The following AGMO variants were observed in gnomAD, a reference collection of about 807,000 sequenced individuals.
AGMO encodes the protein glyceryl-ether monooxygenase.
In AGMO, 75 loss-of-function variants were observed where a neutral mutation model predicts 60.2. The observed-to-expected ratio is 1.25, with a 90% CI of 1.03 to 1.51. AGMO has a LOEUF of 1.51. Ranked by LOEUF, AGMO falls within the 40% of genes most tolerant of loss-of-function variation. AGMO has a pLI of 0.00. For missense variants in AGMO, 763 were observed against 525.5 expected (o/e 1.45, Z -4.42); for synonymous variants, 261 against 177.1 (o/e 1.47, Z -3.76).
intron 4 of AGMO, among the ~76,000 whole-genome samples, chr7:15,424,895 T>A (rs1035027458): frequency 2.6e-5 from 4 of 152,244 alleles, no homozygotes; most frequent in Admixed American, 6.5e-5. Context: ...TATCTTTATT[T>A]GTTCACATTT....
At chr7:15,148,221 G>T in the AGMO span, among the ~76,000 whole-genome samples, 1 of 151,904 alleles carries the variant, frequency 6.6e-6, no homozygotes, top group South Asian at 2.1e-4. Flanking sequence ...TGTTAGGGTA[G>T]ATTTGTTAGT....
chr7:15,487,745 A>G lies in AGMO; in HGVS notation c.410-56637T>C, dbSNP rs575013777. Among the ~76,000 whole-genome samples, 24 of 147,664 alleles carry G rather than the reference A, an allele frequency of 1.6e-4. 1 individual carries two copies. The highest frequency in any genetic ancestry group is 8.7e-4 in the Admixed American group (13 of 14,970). On this transcript the variant is annotated intron_variant, in intron 3 of 12. Transcript: ENST00000342526. ...CCAAACTGTGTCTGATATTTTGGGG[A>G]AAAAAAAACACATAAAATGGGCATG... is the stretch of plus-strand genomic sequence containing the variant.
chr7:15,510,653 G>T (rs1783647063), intron 3 of AGMO, among the ~76,000 whole-genome samples: 1 of 149,904 alleles, frequency 6.7e-6, no homozygotes, highest in Admixed American at 6.7e-5. Flanking sequence ...AGATGAACCT[G>T]GAGGATATTA....
chr7:15,331,116 T>C (rs1371063708), intron 12 of AGMO, among the ~76,000 whole-genome samples: 1 of 152,180 alleles, frequency 6.6e-6, no homozygotes, highest in African/African-American at 2.4e-5. Context: ...AGGAGGCCAC[T>C]CCATTAATAG....
intron 12 of AGMO, among the ~76,000 whole-genome samples, chr7:15,354,523 T>G (rs1422151402): frequency 1.8e-5 from 2 of 109,302 alleles, no homozygotes; most frequent in African/African-American, 6.3e-5. Context: ...TATATATATA[T>G]ATATATATAT....
chr7:15,138,066 C>A, the AGMO span, among the ~76,000 whole-genome samples: 12 of 152,276 alleles, frequency 7.9e-5, no homozygotes, highest in Non-Finnish European at 1.8e-4. Flanking sequence ...AACTTCAAAT[C>A]TACCTCAGCT....
intron 8 of AGMO, among the ~76,000 whole-genome samples, chr7:15,388,372 T>C (rs184752228): frequency 4.5e-4 from 68 of 152,216 alleles, no homozygotes; most frequent in African/African-American, 1.6e-3. Flanking sequence ...GTTAATGGAA[T>C]AGATCTGAGG....
chr7:15,226,888 G>C (rs988392178), intron 12 of AGMO, among the ~76,000 whole-genome samples: 1 of 151,808 alleles, frequency 6.6e-6, no homozygotes, highest in African/African-American at 2.4e-5. Context: ...TCAGTAAAAA[G>C]AAAATGCAAG....
At chr7:15,279,324 T>C (rs907384211) in intron 12 of AGMO, among the ~76,000 whole-genome samples, 2 of 152,120 alleles carry the variant, frequency 1.3e-5, no homozygotes, top group African/African-American at 4.8e-5. Context: ...TGATTCCAAT[T>C]GCCTATCTGA....
intron 3 of AGMO, among the ~76,000 whole-genome samples, chr7:15,527,775 T>C (rs1475689829): frequency 6.6e-6 from 1 of 152,088 alleles, no homozygotes; most frequent in Non-Finnish European, 1.5e-5. Flanking sequence ...ATGAAGCCAT[T>C]TACCATTCCA....
intron 12 of AGMO, among the ~76,000 whole-genome samples, chr7:15,279,306 G>A (rs1783894209): frequency 6.6e-6 from 1 of 152,002 alleles, no homozygotes; most frequent in Admixed American, 6.6e-5. Flanking sequence ...ACTCTCCTCT[G>A]CTTTCTCTGA....
intron 12 of AGMO, among the ~76,000 whole-genome samples, chr7:15,220,506 T>C (rs1052860780): frequency 2.6e-4 from 40 of 151,778 alleles, no homozygotes; most frequent in African/African-American, 8.7e-4. Flanking sequence ...GGGTGAGCCA[T>C]CATGCCCGGC....
intron 12 of AGMO, among the ~76,000 whole-genome samples, chr7:15,246,227 G>T (rs1782737241): frequency 6.6e-6 from 1 of 151,866 alleles, no homozygotes; most frequent in South Asian, 2.1e-4. Flanking sequence ...AGCTTCAAGT[G>T]GTTAAAATAA....
intron 12 of AGMO, among the ~76,000 whole-genome samples, chr7:15,266,920 G>A (rs1020973546): frequency 3.3e-5 from 5 of 151,754 alleles, no homozygotes; most frequent in South Asian, 4.1e-4. Flanking sequence ...GCCAATTGTC[G>A]AAATTCCACA....
intron 3 of AGMO, among the ~76,000 whole-genome samples, chr7:15,543,254 T>C (rs1204142480): frequency 6.6e-6 from 1 of 152,142 alleles, no homozygotes; most frequent in East Asian, 1.9e-4. Flanking sequence ...CATGCTTTTT[T>C]CTCCTCAGAG....
the AGMO span, among the ~76,000 whole-genome samples, chr7:15,180,043 A>C: frequency 6.6e-6 from 1 of 152,100 alleles, no homozygotes; most frequent in Non-Finnish European, 1.5e-5. Flanking sequence ...TGGGTTTGTG[A>C]TGGGAGGAAA....
At chr7:15,517,842 G>T (rs1783862693) in intron 3 of AGMO, among the ~76,000 whole-genome samples, 1 of 152,078 alleles carries the variant, frequency 6.6e-6, no homozygotes, top group Admixed American at 6.6e-5. Flanking sequence ...TCCCTGGAAA[G>T]GGAGCTGAAG....
chr7:15,378,325 G>A (rs1379607819), intron 10 of AGMO, among the ~76,000 whole-genome samples: 1 of 151,872 alleles, frequency 6.6e-6, no homozygotes, highest in Admixed American at 6.6e-5. Context: ...AAATATATAT[G>A]GACAACACCA....
chr7:15,196,193 C>G (rs1781111794), downstream of AGMO, among the ~76,000 whole-genome samples: 1 of 151,896 alleles, frequency 6.6e-6, no homozygotes, highest in Non-Finnish European at 1.5e-5. Context: ...CAGGCACCAC[C>G]ACCACATCTG....
Sources: allele counts gnomAD v4.1 joint callset (sites outside exome capture counted in the v4.1 genomes callset), GRCh38; gene constraint gnomAD v4.1.1; transcripts MANE v1.5; gene names NCBI Gene and HGNC (gene_info 2026-07-23, HGNC 2026-07-21).